The following DNA2 variants were observed in gnomAD, a reference collection of about 807,000 sequenced individuals.
DNA2 encodes the protein DNA replication ATP-dependent helicase/nuclease DNA2.
Under a neutral mutation model 119.1 loss-of-function variants are expected in DNA2, and 101 were observed. That is an observed-to-expected ratio of 0.85 (90% CI 0.72 to 1.00). DNA2 has a LOEUF of 1.00. Ranked by LOEUF, DNA2 falls within the 50% of genes least tolerant of loss-of-function variation. DNA2 has a pLI of 0.00. For synonymous variants in DNA2, 366 were observed against 424.4 expected (o/e 0.86, Z 1.69); for missense variants, 1,121 against 1,255.5 (o/e 0.89, Z 1.62).
At chr10:68,438,785 G>A (rs2051925850) in intron 9 of DNA2, among the ~76,000 whole-genome samples, 1 of 152,078 alleles carries the variant, frequency 6.6e-6, no homozygotes, top group Admixed American at 6.6e-5. Flanking sequence ...TGTAATCCCA[G>A]CAATTTGGGA....
chr10:68,453,149 T>C (rs368295820), intron 5 of DNA2, among the ~76,000 whole-genome samples: 2 of 150,232 alleles, frequency 1.3e-5, no homozygotes, highest in East Asian at 4.0e-4. Context: ...GATCCATCCA[T>C]CTCAGCCTCC....
intron 14 of DNA2, chr10:68,424,969 AG>A (rs2051717986): frequency 3.4e-5 from 21 of 623,708 alleles, no homozygotes; most frequent in South Asian, 3.0e-4. Context: ...AAATATAAGG[AG>A]GAACTTATTG....
Position 68,446,356 on chromosome 10 carries a change from G to T in DNA2, c.997C>A (p.Leu333Ile). The change falls in exon 7 of 21, where the codon CTT (leucine) becomes ATT (isoleucine). Residue 333 changes from leucine to isoleucine, a missense_variant. Transcript: ENST00000358410. Reference protein sequence around the residue: ...ERRADPEAGLLLYLKTGQMYP... With the variant: ...ERRADPEAGLILYLKTGQMYP... ...ATCTGACCAGTCTTGAGGTAGAGAAGCAAGCCAGCCTCTGGATCAGCTCTT... is the reference window on the plus strand; with the variant it reads ...ATCTGACCAGTCTTGAGGTAGAGAATCAAGCCAGCCTCTGGATCAGCTCTT... 6.3e-7 allele frequency: 1 copy of T among 1,598,158 alleles called. No individual in the cohort carries two copies. Among genetic ancestry groups the T allele is most frequent in the Non-Finnish European group, 8.5e-7 (1 of 1,172,430 alleles).
intron 17 of DNA2, among the ~76,000 whole-genome samples, chr10:68,420,290 G>A (rs1361535372): frequency 6.6e-6 from 1 of 152,214 alleles, no homozygotes; most frequent in Non-Finnish European, 1.5e-5. Flanking sequence ...TGTAATCCCA[G>A]CACTTTGGGA....
At position 68,459,151 on chromosome 10, in the gene DNA2, G is replaced by A. The variant is rs1383496433; in HGVS notation, c.672C>T (p.Phe224=). The A allele has an allele frequency of 3.1e-5, 50 of 1,596,884 alleles. No homozygotes were observed. The highest frequency in any genetic ancestry group is 4.2e-5 in the Non-Finnish European group (49 of 1,170,980). ...AGTCAGTCGAAGTGTTTTTATGCAT[G>A]AAATCTCCTGCCCATTTACAAAACG... ...LPSFCKWAGD[F]MHKNTSTDFP... Residue 224 remains phenylalanine (F), a synonymous_variant, in exon 5 of 21, where the codon TTC becomes TTT. Transcript: ENST00000358410.
chr10:68,437,188 A>G lies in DNA2; in HGVS notation c.1469T>C (p.Ile490Thr), dbSNP rs200584135. ...ATGTAAATATTGCCCATCACAAACT[A>G]TCTTTACATGTTCCATTCTAATCAG... ...GNLIRMEHVK[I>T]VCDGQYLHNF... Residue 490 changes from isoleucine (I) to threonine (T), a missense_variant, in exon 10 of 21, where the codon ATA becomes ACA. By Grantham distance (89) the Ile-to-Thr change is moderately conservative (BLOSUM62 -1). Transcript: ENST00000358410. 30 of 1,613,236 alleles carry G rather than the reference A, an allele frequency of 1.9e-5. 1 individual carries two copies. The highest frequency in any genetic ancestry group is 8.3e-5 in the Admixed American group (5 of 59,970).
chr10:68,460,664 T>C (rs961280733), intron 4 of DNA2, among the ~76,000 whole-genome samples: 2 of 152,208 alleles, frequency 1.3e-5, no homozygotes, highest in Admixed American at 6.6e-5. Flanking sequence ...CGCCTCGGCC[T>C]CTGAAAGTGC....
At chr10:68,453,913 G>A (rs2052151679) in intron 5 of DNA2, among the ~76,000 whole-genome samples, 1 of 152,128 alleles carries the variant, frequency 6.6e-6, no homozygotes, top group Admixed American at 6.6e-5. Flanking sequence ...TATATAAAAT[G>A]TATATAAGTT....
chr10:68,436,634 T>C (rs960329926), intron 10 of DNA2, among the ~76,000 whole-genome samples: 1 of 152,192 alleles, frequency 6.6e-6, no homozygotes, highest in Non-Finnish European at 1.5e-5. Flanking sequence ...CTGATACATG[T>C]TATAACATGA....
intron 5 of DNA2, among the ~76,000 whole-genome samples, chr10:68,451,611 T>G (rs1177675289): frequency 1.3e-5 from 2 of 152,164 alleles, no homozygotes; most frequent in Non-Finnish European, 2.9e-5. Flanking sequence ...AAAGATGACT[T>G]TTCTAGTAAT....
At chr10:68,443,249 G>C (rs2051994794) in intron 8 of DNA2, 138 bp from the exon 9 acceptor site, 8 of 755,396 alleles carry the variant, frequency 1.1e-5, no homozygotes, top group Non-Finnish European at 1.6e-5. Flanking sequence ...TTCCTTAAAA[G>C]TCATTTAAAC....
chr10:68,426,614 T>C (rs753124129), intron 14 of DNA2, among the ~76,000 whole-genome samples: 1 of 151,442 alleles, frequency 6.6e-6, no homozygotes, highest in Non-Finnish European at 1.5e-5. Context: ...GGCAGGCAGA[T>C]CACAAGGTCA....
At chr10:68,420,760 C>T (rs1380048348) in intron 17 of DNA2, among the ~76,000 whole-genome samples, 1 of 150,484 alleles carries the variant, frequency 6.6e-6, no homozygotes, top group Non-Finnish European at 1.5e-5. Flanking sequence ...GCCTGGGAGA[C>T]AGAGCAAGAC....
chr10:68,438,705 A>G (rs76290770), intron 9 of DNA2, among the ~76,000 whole-genome samples: 7,057 of 152,188 alleles, frequency 0.046, 535 homozygotes, highest in African/African-American at 0.16. Context: ...GTTAGGGAAG[A>G]AAATGATCCA....
rs1388731978 is a variant in DNA2, at chr10:68,437,231, C to T, written c.1426G>A (p.Gly476Ser). The T allele has an allele frequency of 6.2e-7, 1 of 1,602,974 alleles. No individual in the cohort carries two copies. The highest frequency in any genetic ancestry group is 8.5e-7 in the Non-Finnish European group (1 of 1,171,778). The change falls in exon 10 of 21, where the codon GGC becomes AGC. Residue 476 changes from glycine (G) to serine (S), a missense_variant. Gly to Ser is a moderately conservative substitution (Grantham distance 56, BLOSUM62 0). Transcript: ENST00000358410. ...CTAATCAGGTTTCCAATGCAACTGC[C>T]ACTCTTCTCCCTATGAAAAGACCAA... ...LMPASEMEKS[G>S]SCIGNLIRME...
At chr10:68,423,235 T>C (rs1387774812) in intron 14 of DNA2, among the ~76,000 whole-genome samples, 1 of 151,102 alleles carries the variant, frequency 6.6e-6, no homozygotes, top group African/African-American at 2.5e-5. Context: ...GATGGAGTAC[T>C]TTTCCTTATT....
chr10:68,429,111 T>A (rs753212165), intron 14 of DNA2, among the ~76,000 whole-genome samples: 38 of 152,142 alleles, frequency 2.5e-4, no homozygotes, highest in African/African-American at 8.9e-4. Context: ...AAAAATATGC[T>A]AGCATTAGAC....
rs2051565447 is a variant in DNA2, at chr10:68,414,628, T to C, written c.*411A>G. The C allele has an allele frequency of 6.5e-6, 1 of 154,668 alleles. No homozygotes were observed. Among genetic ancestry groups the C allele is most frequent in the South Asian group, 2.0e-4 (1 of 4,886 alleles). 9.6% of individuals were successfully genotyped at this position (154,668 alleles called of 1,614,324 possible). A position where few individuals can be genotyped will look rare whatever the true frequency, so the allele number is the denominator to read the frequency against. On this transcript the variant is annotated 3_prime_UTR_variant, in exon 21 of 21. Coordinates refer to ENST00000358410, the MANE Select transcript of DNA2 (RefSeq NM_001080449.3). The stretch of plus-strand genomic sequence containing the variant: ...AAATCCTAGCAAAATGGGCTTTGGA[T>C]TAGGGACCTCAAAATACAGAAAAGA...
Position 68,432,269 on chromosome 10 carries a change from T to A in DNA2, c.1810A>T (p.Ile604Leu). Residue 604 changes from isoleucine (I) to leucine (L), a missense_variant, in exon 12 of 21, where the codon ATA (isoleucine) becomes TTA (leucine). Ile to Leu is a conservative substitution (Grantham distance 5, BLOSUM62 2). Transcript: ENST00000358410. ...GGAAGAACAGAACTAAGGTAGGATA[T>A]AAACTGAGGTTCACGAAAGTCAATA... ...LIIDFREPQF[I>L]SYLSSVLPHD... The A allele has an allele frequency of 6.2e-7, 1 of 1,609,898 alleles. No individual in the cohort carries two copies. The highest frequency in any genetic ancestry group is 8.5e-7 in the Non-Finnish European group (1 of 1,178,820).
Sources: allele counts gnomAD v4.1 joint callset (sites outside exome capture counted in the v4.1 genomes callset), GRCh38; gene constraint gnomAD v4.1.1; transcripts MANE v1.5; gene names NCBI Gene and HGNC (gene_info 2026-07-23, HGNC 2026-07-21).